The following FCHSD2 variants were observed in gnomAD, a reference collection of about 807,000 sequenced individuals.
FCHSD2 encodes the protein F-BAR and double SH3 domains protein 2.
In FCHSD2, 38 loss-of-function variants were observed where a neutral mutation model predicts 108.1. That is an observed-to-expected ratio of 0.35 (90% CI 0.27 to 0.46). The LOEUF (loss-of-function observed/expected upper bound fraction) is 0.46, where lower values mean the gene tolerates loss of function less well. Ranked by LOEUF, FCHSD2 falls within the 20% of genes least tolerant of loss-of-function variation. FCHSD2 has a pLI of 1.00. For missense variants in FCHSD2, 751 were observed against 897.8 expected (o/e 0.84, Z 2.09); for synonymous variants, 279 against 314.7 (o/e 0.89, Z 1.20).
At chr11:73,071,540 A>T (rs898385686) in intron 3 of FCHSD2, among the ~76,000 whole-genome samples, 3 of 151,794 alleles carry the variant, frequency 2.0e-5, no homozygotes, top group Non-Finnish European at 2.9e-5. Context: ...AAATACAAAA[A>T]AAAAAAAAAA....
intron 13 of FCHSD2, among the ~76,000 whole-genome samples, chr11:72,859,303 T>C (rs940165202): frequency 3.3e-5 from 5 of 152,194 alleles, no homozygotes; most frequent in African/African-American, 1.2e-4. Flanking sequence ...ATCACCCCTT[T>C]GTCGAGTATA....
At position 72,914,839 on chromosome 11, in the gene FCHSD2, T is replaced by C. The variant is rs527575711; in HGVS notation, c.828+6989A>G. Among the ~76,000 whole-genome samples the C allele has an allele frequency of 9.0e-4, 137 of 152,064 alleles. 1 individual carries two copies. The highest frequency in any genetic ancestry group is 2.9e-3 in the African/African-American group (121 of 41,480). On this transcript the variant is annotated intron_variant, in intron 9 of 19. Coordinates refer to ENST00000409418, the MANE Select transcript of FCHSD2 (RefSeq NM_014824.3). ...ATAGGCATGGGCAAAGATTTCATGA[T>C]GAAGATGCCAAAAGCAATTGCAACA...
At chr11:72,851,647 G>A (rs1861290944) in intron 13 of FCHSD2, among the ~76,000 whole-genome samples, 1 of 152,160 alleles carries the variant, frequency 6.6e-6, no homozygotes, top group African/African-American at 2.4e-5. Context: ...GGAGGCTGAG[G>A]CAGGAGAATT....
intron 5 of FCHSD2, among the ~76,000 whole-genome samples, chr11:72,991,948 T>C (rs1857423571): frequency 6.6e-6 from 1 of 152,078 alleles, no homozygotes; most frequent in South Asian, 2.1e-4. Context: ...GGGTATTCAA[T>C]TAGGAAAAGA....
chr11:72,924,441 CTT>C (rs536513005), intron 8 of FCHSD2, among the ~76,000 whole-genome samples: 6 of 138,250 alleles, frequency 4.3e-5, no homozygotes, highest in Admixed American at 7.2e-5. Context: ...CCACACCCGG[CTT>C]TTTTTTTTTT....
At chr11:73,135,983 A>C (rs982091900) in intron 2 of FCHSD2, among the ~76,000 whole-genome samples, 1 of 151,938 alleles carries the variant, frequency 6.6e-6, no homozygotes, top group Non-Finnish European at 1.5e-5. Flanking sequence ...GGCAACAAAC[A>C]AACCCTGTCT....
chr11:72,999,382 C>T (rs1409069908), intron 5 of FCHSD2, among the ~76,000 whole-genome samples: 5 of 147,596 alleles, frequency 3.4e-5, no homozygotes, highest in South Asian at 2.1e-4. Context: ...GGCAGTGGCA[C>T]GATCTCAGCT....
Position 73,004,167 on chromosome 11 carries a change from T to C in FCHSD2, c.243-3033A>G, listed in dbSNP as rs541097494. 7.3e-5 allele frequency among the ~76,000 whole-genome samples: 11 copies of C among 150,902 alleles called. No individual in the cohort carries two copies. In the East Asian group the frequency reaches 2.2e-3, roughly 30 times the overall value. ...TCAAGCATATACGGTACTTTGCCAT[T>C]CTACATATCACATGGTAAGTACTAC... On this transcript the variant is annotated intron_variant, in intron 4 of 19. Coordinates refer to ENST00000409418, the MANE Select transcript of FCHSD2 (RefSeq NM_014824.3).
chr11:73,080,960 A>AAAAATAAAATAAAAT lies in FCHSD2; in HGVS notation c.165+2720_165+2734dup, dbSNP rs376421601. Among the ~76,000 whole-genome samples, 283 of 151,980 alleles carry AAAAATAAAATAAAAT rather than the reference A, an allele frequency of 1.9e-3. 1 individual carries two copies. Among genetic ancestry groups the AAAAATAAAATAAAAT allele is most frequent in the African/African-American group, 6.7e-3 (276 of 41,386 alleles). ...CAAGACTCTGTCTCAAAAAAACAAC[A>AAAAATAAAATAAAAT]AAAATAAAATAAAATAAAATAAAAT... On this transcript the variant is annotated intron_variant, in intron 3 of 19. Transcript: ENST00000409418.
At chr11:73,055,670 TAATA>T (rs563591349) in intron 3 of FCHSD2, among the ~76,000 whole-genome samples, 1 of 152,282 alleles carries the variant, frequency 6.6e-6, no homozygotes, top group South Asian at 2.1e-4. Context: ...TTAAATTTTT[TAATA>T]GATAAAACAT....
intron 12 of FCHSD2, among the ~76,000 whole-genome samples, chr11:72,887,134 T>A (rs1032624785): frequency 5.9e-5 from 9 of 151,586 alleles, no homozygotes; most frequent in Admixed American, 1.3e-4. Flanking sequence ...AGGAGATATA[T>A]ATATATATCT....
At chr11:73,077,033 C>G (rs1250211834) in intron 3 of FCHSD2, among the ~76,000 whole-genome samples, 1 of 149,666 alleles carries the variant, frequency 6.7e-6, no homozygotes, top group Non-Finnish European at 1.5e-5. Flanking sequence ...TGGCATGAAC[C>G]CGGGAGGCGG....
chr11:72,910,827 T>TAA (rs34549479), intron 9 of FCHSD2, among the ~76,000 whole-genome samples: 12 of 116,618 alleles, frequency 1.0e-4, no homozygotes, highest in South Asian at 6.0e-4. Context: ...CAATAAATAC[T>TAA]AAAAAAAAAA....
intron 9 of FCHSD2, among the ~76,000 whole-genome samples, chr11:72,913,163 C>T (rs73532927): frequency 0.015 from 2,234 of 152,296 alleles, 54 homozygotes; most frequent in African/African-American, 0.052. Flanking sequence ...AATTACCTCC[C>T]ACTGGCCCCT....
intron 4 of FCHSD2, among the ~76,000 whole-genome samples, chr11:73,003,556 G>A (rs1487934186): frequency 1.1e-4 from 16 of 148,632 alleles, no homozygotes; most frequent in African/African-American, 3.7e-4. Context: ...GCGGGATCTC[G>A]GCTCACTGCA....
chr11:73,104,739 T>C (rs941138645), intron 2 of FCHSD2, among the ~76,000 whole-genome samples: 1 of 151,996 alleles, frequency 6.6e-6, no homozygotes, highest in African/African-American at 2.4e-5. Context: ...CGGCTAATTT[T>C]TGTATTTTTA....
At chr11:72,888,729 C>T (rs1488188910) in intron 11 of FCHSD2, among the ~76,000 whole-genome samples, 1 of 151,746 alleles carries the variant, frequency 6.6e-6, no homozygotes, top group Non-Finnish European at 1.5e-5. Flanking sequence ...AGCAATTCTC[C>T]CCAACCTTAG....
chr11:73,102,468 A>C (rs1207097918), intron 2 of FCHSD2, among the ~76,000 whole-genome samples: 1 of 152,268 alleles, frequency 6.6e-6, no homozygotes, highest in East Asian at 1.9e-4. Flanking sequence ...TATAATAGCC[A>C]AAAACTGAAA....
At chr11:73,051,042 A>C (rs1858886724) in intron 3 of FCHSD2, among the ~76,000 whole-genome samples, 1 of 152,222 alleles carries the variant, frequency 6.6e-6, no homozygotes, top group African/African-American at 2.4e-5. Context: ...CTTGCTGGGC[A>C]CAGTGGCTCA....
Sources: allele counts gnomAD v4.1 joint callset (sites outside exome capture counted in the v4.1 genomes callset), GRCh38; gene constraint gnomAD v4.1.1; transcripts MANE v1.5; gene names NCBI Gene and HGNC (gene_info 2026-07-23, HGNC 2026-07-21).